SPTBN1: variants seen among roughly 807,000 people sequenced by gnomAD.
SPTBN1 encodes spectrin beta, non-erythrocytic 1, also known as spectrin beta chain, non-erythrocytic 1.
In SPTBN1, 32 loss-of-function variants were observed where a neutral mutation model predicts 266.4. The ratio of observed to expected loss-of-function variants is 0.12; its 90% confidence interval spans 0.09 to 0.16. SPTBN1 has a LOEUF of 0.16. Ranked by LOEUF, SPTBN1 falls within the 10% of genes least tolerant of loss-of-function variation. The probability of loss-of-function intolerance (pLI) is 1.00; values close to 1 mark genes in which losing one functional copy is unlikely to be tolerated. For missense variants in SPTBN1, 2,296 were observed against 3,067.1 expected (o/e 0.75, Z 5.94); for synonymous variants, 1,336 against 1,162.2 (o/e 1.15, Z -3.04).
intron 34 of SPTBN1, among the ~76,000 whole-genome samples, chr2:54,667,048 G>A (rs1204300020): frequency 2.6e-5 from 4 of 152,096 alleles, no homozygotes; most frequent in African/African-American, 7.2e-5. Flanking sequence ...CAGTACCCTC[G>A]TCCTCTCCGC....
chr2:54,477,046 T>C (rs1667869669), intron 1 of SPTBN1, among the ~76,000 whole-genome samples: 1 of 152,134 alleles, frequency 6.6e-6, no homozygotes, highest in African/African-American at 2.4e-5. Flanking sequence ...AGTGTTTTTC[T>C]TGGTTCTCTT....
In SPTBN1 at chr2:54,481,884, C is replaced by G. The variant is rs745645772; in HGVS notation, c.-48+25366C>G. On this transcript the variant is annotated intron_variant, in intron 1 of 35. Coordinates refer to ENST00000356805, the MANE Select transcript of SPTBN1 (RefSeq NM_003128.3). ...ATTTGTATATAAAGATTGATACTAG[C>G]CAGGCTTTATATACTGACAGTTATT... 9.9e-5 allele frequency among the ~76,000 whole-genome samples: 15 copies of G among 152,140 alleles called. 1 individual carries two copies. The highest frequency in any genetic ancestry group is 1.8e-4 in the Non-Finnish European group (12 of 68,038).
Position 54,622,495 on chromosome 2 carries a change from G to T in SPTBN1, c.1064+8G>T. On this transcript the variant is annotated splice_region_variant and intron_variant, in intron 9 of 35. Coordinates refer to ENST00000356805, the MANE Select transcript of SPTBN1 (RefSeq NM_003128.3). ...TGTGGAGAAACCACCCAAGTAAGATGCATATTGTAGTGTGATCATTAATAT... is the reference window on the plus strand; with the variant it reads ...TGTGGAGAAACCACCCAAGTAAGATTCATATTGTAGTGTGATCATTAATAT... 6.2e-7 allele frequency: 1 copy of T among 1,613,046 alleles called. No individual in the cohort carries two copies. Among genetic ancestry groups the T allele is most frequent in the Non-Finnish European group, 8.5e-7 (1 of 1,179,296 alleles).
chr2:54,497,433 A>G (rs1313613470), intron 1 of SPTBN1, among the ~76,000 whole-genome samples: 18 of 152,064 alleles, frequency 1.2e-4, no homozygotes, highest in Non-Finnish European at 1.9e-4. Flanking sequence ...GACTCACTCT[A>G]ACCACCAGGG....
intron 1 of SPTBN1, among the ~76,000 whole-genome samples, chr2:54,457,771 T>C (rs967664825): frequency 5.3e-5 from 8 of 152,214 alleles, no homozygotes; most frequent in African/African-American, 1.9e-4. Context: ...CAGCTTCTGC[T>C]GGATGTGGCG....
At chr2:54,467,032 C>G (rs955268832) in intron 1 of SPTBN1, among the ~76,000 whole-genome samples, 7 of 151,750 alleles carry the variant, frequency 4.6e-5, no homozygotes, top group Admixed American at 3.3e-4. Flanking sequence ...GAAACATTGT[C>G]CAGGAGGAAT....
intron 1 of SPTBN1, among the ~76,000 whole-genome samples, chr2:54,480,456 A>T (rs1668040122): frequency 6.6e-6 from 1 of 152,256 alleles, no homozygotes; most frequent in Admixed American, 6.5e-5. Context: ...CTTATGCAGT[A>T]TTTGAGACAT....
At chr2:54,576,073 G>GTTTTTTTTTTTTTT (rs1674449935) in intron 2 of SPTBN1, among the ~76,000 whole-genome samples, 2 of 4,832 alleles carry the variant, frequency 4.1e-4, no homozygotes, top group Non-Finnish European at 7.8e-4. Flanking sequence ...TTTTTTTTTT[G>GTTTTTTTTTTTTTT]AGAGACAGTC....
At chr2:54,461,065 C>G (rs1297950280) in intron 1 of SPTBN1, among the ~76,000 whole-genome samples, 2 of 152,136 alleles carry the variant, frequency 1.3e-5, no homozygotes, top group Non-Finnish European at 2.9e-5. Flanking sequence ...CAGGAAGAGC[C>G]TTATACATTC....
rs754294912 is a variant in SPTBN1, at chr2:54,649,237, G to A, written c.5202+47G>A. 1.9e-6 allele frequency: 3 copies of A among 1,546,128 alleles called. No homozygotes were observed. The highest frequency in any genetic ancestry group is 1.8e-6 in the Non-Finnish European group (2 of 1,137,634). On this transcript the variant is annotated intron_variant, in intron 25 of 35. Transcript: ENST00000356805. The surrounding 1 kb of genome is among the most constrained non-coding windows in gnomAD (Gnocchi z 6.7). ...TGAGTTGGTTGTGCAGTAAGCGATG[G>A]TGTGGAAGGCCATTTGCATTCCTTG...
chr2:54,481,593 A>G (rs572509930), intron 1 of SPTBN1, among the ~76,000 whole-genome samples: 5 of 152,182 alleles, frequency 3.3e-5, no homozygotes, highest in Non-Finnish European at 7.3e-5. Flanking sequence ...CCTGCTGGAC[A>G]AGAGTGAGCC....
At position 54,649,538 on chromosome 2, in the gene SPTBN1, C is replaced by G; in HGVS notation, c.5203-77C>G. The G allele has an allele frequency of 6.5e-7, 1 of 1,535,350 alleles. No individual in the cohort carries two copies. The highest frequency in any genetic ancestry group is 8.8e-7 in the Non-Finnish European group (1 of 1,139,078). On this transcript the variant is annotated intron_variant, in intron 25 of 35. Transcript: ENST00000356805. This position sits in a 1 kb window ranked among gnomAD's most constrained non-coding sequence, Gnocchi z 6.7. ...CATCTTGCTTAGAGGCAGTTTCTTTCCAAAGGGTATTCATGTGATCAAGAA... is the reference window on the plus strand; with the variant it reads ...CATCTTGCTTAGAGGCAGTTTCTTTGCAAAGGGTATTCATGTGATCAAGAA...
intron 28 of SPTBN1, 151 bp downstream of exon 28, chr2:54,655,359 A>G: frequency 1.8e-6 from 2 of 1,138,740 alleles, no homozygotes; most frequent in Non-Finnish European, 2.4e-6. Context: ...GTCTAGAATA[A>G]TGCAATTATG....
rs61071058 is a variant in SPTBN1, at chr2:54,473,737, C to T, written c.-48+17219C>T. Among the ~76,000 whole-genome samples the T allele has an allele frequency of 6.2e-3, 939 of 152,236 alleles. 9 individuals carry two copies. Among genetic ancestry groups the T allele is most frequent in the African/African-American group, 0.021 (881 of 41,534 alleles). ...CAGGAGAATTCAGTCATTCATTATA[C>T]GATAAGCAGGCAAAAAGTTAAATAC... On this transcript the variant is annotated intron_variant, in intron 1 of 35. Transcript: ENST00000356805.
intron 2 of SPTBN1, among the ~76,000 whole-genome samples, chr2:54,562,535 T>TTTTTTC (rs1308130464): frequency 4.8e-5 from 7 of 145,174 alleles, no homozygotes; most frequent in African/African-American, 1.3e-4. Context: ...TTCTTTTTCT[T>TTTTTTC]TTTTTTTTTT....
At chr2:54,658,787 C>T (rs1266211080) in intron 30 of SPTBN1, among the ~76,000 whole-genome samples, 3 of 152,216 alleles carry the variant, frequency 2.0e-5, no homozygotes, top group African/African-American at 7.2e-5. Context: ...TATTGCAGCT[C>T]TGTCCCTGGT....
intron 11 of SPTBN1, 136 bp downstream of exon 11, chr2:54,625,098 C>A: frequency 1.0e-6 from 1 of 995,494 alleles, no homozygotes; most frequent in East Asian, 2.7e-5. Context: ...TCACCTTGGC[C>A]CCTTCCCATT....
intron 1 of SPTBN1, among the ~76,000 whole-genome samples, chr2:54,466,171 AT>A (rs1347384369): frequency 1.3e-5 from 2 of 152,176 alleles, no homozygotes; most frequent in Admixed American, 1.3e-4. Context: ...GTTAGTTCTG[AT>A]TTTTAATATA....
chr2:54,522,644 GAA>G lies in SPTBN1; in HGVS notation c.-47-3726_-47-3725del, dbSNP rs1573327909. On this transcript the variant is annotated intron_variant, in intron 1 of 35. Transcript: ENST00000356805. ...AGACTCTGTCTCAAAAAGAAAGAAA[GAA>G]AGAGAGAGAGAAAGAGAGAGAGAGA... Among the ~76,000 whole-genome samples the G allele has an allele frequency of 1.1e-3, 80 of 74,276 alleles. 1 individual carries two copies. The South Asian group carries it at 0.017, about 16-fold the overall frequency. 48.7% of individuals were successfully genotyped at this position (74,276 alleles called of 152,430 possible).
Sources: allele counts gnomAD v4.1 joint callset (sites outside exome capture counted in the v4.1 genomes callset), GRCh38; gene constraint gnomAD v4.1.1; non-coding constraint Gnocchi (gnomAD v3.1); transcripts MANE v1.5; gene names NCBI Gene and HGNC (gene_info 2026-07-23, HGNC 2026-07-21).